The following GLIS1 variants were observed in gnomAD, a reference collection of about 807,000 sequenced individuals.
The protein encoded by GLIS1 is zinc finger protein GLIS1.
In GLIS1, 24 loss-of-function variants were observed where a neutral mutation model predicts 63.8. That is an observed-to-expected ratio of 0.38 (90% CI 0.27 to 0.53). The LOEUF (loss-of-function observed/expected upper bound fraction) is 0.53, where lower values mean the gene tolerates loss of function less well. GLIS1 is among the 20% of genes least tolerant of loss of function. The pLI is 0.85. For missense variants in GLIS1, 1,036 were observed against 1,074.1 expected, an observed-to-expected ratio of 0.96 and a Z score of 0.50; for synonymous variants, 450 against 482.5, an observed-to-expected ratio of 0.93 and a Z score of 0.88.
chr1:53,596,248 C>A, intron 3 of GLIS1, among the ~76,000 whole-genome samples: 1 of 152,230 alleles, frequency 6.6e-6, no homozygotes, highest in East Asian at 1.9e-4. Flanking sequence ...GGGATTCCTG[C>A]ACTGAAGCTT....
At chr1:53,645,045 T>C (rs1324298478) in intron 2 of GLIS1, among the ~76,000 whole-genome samples, 2 of 152,220 alleles carry the variant, frequency 1.3e-5, no homozygotes, top group African/African-American at 4.8e-5. Flanking sequence ...GCATAGGAAA[T>C]GTCTGTGAAA....
intron 4 of GLIS1, among the ~76,000 whole-genome samples, chr1:53,536,540 CA>C (rs1644583452): frequency 6.6e-6 from 1 of 152,036 alleles, no homozygotes; most frequent in South Asian, 2.1e-4. Flanking sequence ...GCCCACTCTG[CA>C]GAATAAGAAA....
At chr1:53,737,725 T>C (rs1439252700) in intron 2 of GLIS1, 81 bp downstream of exon 2, 1 of 1,205,938 alleles carries the variant, frequency 8.3e-7, no homozygotes, top group Non-Finnish European at 1.0e-6. Flanking sequence ...TCCACCAAGC[T>C]CTCCCGAGCA....
chr1:53,632,574 GCA>G (rs1645668760), intron 2 of GLIS1, among the ~76,000 whole-genome samples: 2 of 150,084 alleles, frequency 1.3e-5, no homozygotes, highest in East Asian at 2.0e-4. Context: ...TGACTGAGGG[GCA>G]TGTGAATGAG....
At chr1:53,648,723 C>T (rs965076353) in intron 2 of GLIS1, among the ~76,000 whole-genome samples, 2 of 152,078 alleles carry the variant, frequency 1.3e-5, no homozygotes, top group East Asian at 1.9e-4. Flanking sequence ...TGAAAAAAAT[C>T]GGACACGAGA....
chr1:53,678,422 C>T (rs749041290), intron 2 of GLIS1, among the ~76,000 whole-genome samples: 1 of 151,438 alleles, frequency 6.6e-6, no homozygotes, highest in Non-Finnish European at 1.5e-5. Flanking sequence ...AACTGAGGCT[C>T]AGAGAGGTTA....
chr1:53,693,405 T>A (rs762328429), intron 2 of GLIS1, among the ~76,000 whole-genome samples: 6 of 152,122 alleles, frequency 3.9e-5, no homozygotes, highest in Non-Finnish European at 5.9e-5. Context: ...CACCCAGCCC[T>A]CGGGGGCAGG....
At chr1:53,580,251 C>T (rs1166935872) in intron 4 of GLIS1, among the ~76,000 whole-genome samples, 1 of 152,200 alleles carries the variant, frequency 6.6e-6, no homozygotes, top group Non-Finnish European at 1.5e-5. Flanking sequence ...TTCCTGCACC[C>T]TCTTTCAGGG....
chr1:53,573,587 A>G (rs1645004462), intron 4 of GLIS1, among the ~76,000 whole-genome samples: 1 of 152,222 alleles, frequency 6.6e-6, no homozygotes, highest in African/African-American at 2.4e-5. Flanking sequence ...ACACAGGAGG[A>G]CACATGACAT....
intron 8 of GLIS1, among the ~76,000 whole-genome samples, chr1:53,512,300 C>G (rs1569717644): frequency 6.6e-6 from 1 of 152,168 alleles, no homozygotes; most frequent in African/African-American, 2.4e-5. Context: ...CAACTGGAAC[C>G]TATAAAAATT....
intron 5 of GLIS1, among the ~76,000 whole-genome samples, chr1:53,528,844 G>C (rs1644498377): frequency 6.6e-6 from 1 of 152,060 alleles, no homozygotes; most frequent in South Asian, 2.1e-4. Flanking sequence ...CCTGCAGGAA[G>C]CATAGAGAAA....
intron 4 of GLIS1, among the ~76,000 whole-genome samples, chr1:53,568,972 T>C (rs1644959401): frequency 6.6e-6 from 1 of 152,144 alleles, no homozygotes; most frequent in Admixed American, 6.5e-5. Flanking sequence ...TATTATTCAG[T>C]AGTGAAAAGG....
chr1:53,644,009 A>C (rs937463540), intron 2 of GLIS1, among the ~76,000 whole-genome samples: 1 of 152,188 alleles, frequency 6.6e-6, no homozygotes, highest in Non-Finnish European at 1.5e-5. Flanking sequence ...CTGATAAAGA[A>C]TGTTCCAGGC....
chr1:53,519,130 A>G (rs1262807748), intron 7 of GLIS1, among the ~76,000 whole-genome samples: 3 of 152,150 alleles, frequency 2.0e-5, no homozygotes, highest in Non-Finnish European at 4.4e-5. Flanking sequence ...CACTTGAGAT[A>G]CCTTCGTCCC....
intron 2 of GLIS1, among the ~76,000 whole-genome samples, chr1:53,680,392 A>C (rs1646261478): frequency 6.6e-6 from 1 of 152,172 alleles, no homozygotes; most frequent in Non-Finnish European, 1.5e-5. Flanking sequence ...TGTGGTGCCC[A>C]CCACTCAGTG....
intron 2 of GLIS1, among the ~76,000 whole-genome samples, chr1:53,713,241 A>C (rs1175274910): frequency 3.1e-5 from 1 of 32,682 alleles, no homozygotes; most frequent in African/African-American, 9.7e-5. Flanking sequence ...CATCTCTTCA[A>C]GACCAGCCTG....
chr1:53,538,828 T>C (rs1247135056), intron 4 of GLIS1, among the ~76,000 whole-genome samples: 1 of 152,302 alleles, frequency 6.6e-6, no homozygotes, highest in East Asian at 1.9e-4. Flanking sequence ...AGTTCCTGTC[T>C]GGGCAAGAAA....
chr1:53,517,404 G>A (rs765643489), intron 7 of GLIS1, among the ~76,000 whole-genome samples: 4 of 152,184 alleles, frequency 2.6e-5, no homozygotes. Flanking sequence ...CGGTGTTTGT[G>A]GAGGGAGCCT....
chr1:53,559,810 T>A (rs1412611193), intron 4 of GLIS1, among the ~76,000 whole-genome samples: 1 of 151,970 alleles, frequency 6.6e-6, no homozygotes, highest in African/African-American at 2.4e-5. Context: ...CACTGTCAGG[T>A]ACACACTCAT....
Sources: allele counts gnomAD v4.1 joint callset (sites outside exome capture counted in the v4.1 genomes callset), GRCh38; gene constraint gnomAD v4.1.1; transcripts MANE v1.5; gene names NCBI Gene and HGNC (gene_info 2026-07-23, HGNC 2026-07-21).